The following PTPN5 variants were observed in gnomAD, a reference collection of about 807,000 sequenced individuals.
The protein encoded by PTPN5 is tyrosine-protein phosphatase non-receptor type 5.
PTPN5 carries 29 observed loss-of-function variants against 73.9 expected under a neutral mutation model. The ratio of observed to expected loss-of-function variants is 0.39; its 90% CI spans 0.29 to 0.54. PTPN5 has a LOEUF of 0.54. PTPN5 is among the 20% of genes least tolerant of loss of function. PTPN5 has a pLI of 0.65. For missense variants in PTPN5, 652 were observed against 751.4 expected (o/e 0.87, Z 1.55); for synonymous variants, 267 against 304.7 (o/e 0.88, Z 1.29).
In PTPN5 at chr11:18,771,053, G is replaced by A. The variant is rs115018707; in HGVS notation, c.20+886C>T. ...TGGCTGGTTTGCTGAGCCAATCAGG[G>A]AGCCTGAGCCTGCTTCCAAGGTCGG... On this transcript the variant is annotated intron_variant, in intron 2 of 14. Coordinates refer to ENST00000358540, the MANE Select transcript of PTPN5 (RefSeq NM_006906.2). 3.4e-3 allele frequency among the ~76,000 whole-genome samples: 516 copies of A among 152,276 alleles called. 2 individuals carry two copies. The highest frequency in any genetic ancestry group is 0.011 in the African/African-American group (477 of 41,548).
intron 3 of PTPN5, among the ~76,000 whole-genome samples, chr11:18,745,941 C>T (rs1849597959): frequency 1.3e-5 from 2 of 151,604 alleles, no homozygotes; most frequent in South Asian, 4.2e-4. Context: ...TTTTGAATAT[C>T]GTCTCCTCTA....
chr11:18,755,615 T>C (rs999167342), intron 3 of PTPN5, among the ~76,000 whole-genome samples: 9 of 151,972 alleles, frequency 5.9e-5, no homozygotes, highest in African/African-American at 2.2e-4. Context: ...CTGGGCTGGG[T>C]AGAGGACTGA....
At chr11:18,784,362 T>C (rs560795023) in intron 1 of PTPN5, among the ~76,000 whole-genome samples, 35 of 151,788 alleles carry the variant, frequency 2.3e-4, no homozygotes, top group African/African-American at 8.2e-4. Flanking sequence ...GAGACGACCC[T>C]TGAAAACATT....
chr11:18,768,854 T>C (rs188355452), intron 2 of PTPN5, among the ~76,000 whole-genome samples: 78 of 152,232 alleles, frequency 5.1e-4, no homozygotes, highest in Non-Finnish European at 9.9e-4. Flanking sequence ...GAACCCAGTC[T>C]CTGGGCGCTG....
At chr11:18,739,748 C>T (rs1849280911) in intron 8 of PTPN5, among the ~76,000 whole-genome samples, 1 of 152,228 alleles carries the variant, frequency 6.6e-6, no homozygotes. Context: ...CTTGCCTTTT[C>T]CTGCTCACAG....
rs535883338 is a variant in PTPN5 at position 18,790,928 on chromosome 11, G to C, written c.-114+597C>G. On this transcript the variant is annotated intron_variant, in intron 1 of 14. Coordinates refer to ENST00000358540, the MANE Select transcript of PTPN5 (RefSeq NM_006906.2). ...TGATCTTCTAAGCCCTGTGATCCTT[G>C]ATAAGGTAAGCCTCCCAAGGCTCTG... Among the ~76,000 whole-genome samples, 110 of 152,320 alleles carry C rather than the reference G, an allele frequency of 7.2e-4. No homozygotes were observed. The South Asian group carries it at 9.3e-3, about 13-fold the overall frequency.
Position 18,742,461 on chromosome 11 carries a change from G to A in PTPN5, c.526C>T (p.Leu176=). 1 of 1,614,078 alleles carries A rather than the reference G, an allele frequency of 6.2e-7. No individual in the cohort carries two copies. The highest frequency in any genetic ancestry group is 8.5e-7 in the Non-Finnish European group (1 of 1,180,016). ...LRTPPEPPTP[L]PPEDRRQSVS... The stretch of plus-strand genomic sequence containing the variant: ...GACTGGCGCCTGTCCTCAGGGGGCA[G>A]TGGGGTGGGTGGCTCTGGGGGTGTC... Residue 176 remains leucine, a synonymous_variant, in exon 7 of 15, where the codon CTG becomes TTG. Transcript: ENST00000358540. This position sits in a 1 kb window ranked among gnomAD's most constrained non-coding sequence, Gnocchi z 4.1.
At chr11:18,774,705 A>G (rs1185849391) in intron 1 of PTPN5, among the ~76,000 whole-genome samples, 1 of 152,236 alleles carries the variant, frequency 6.6e-6, no homozygotes, top group Non-Finnish European at 1.5e-5. Context: ...AAGCCAACAC[A>G]TTCTGTCCTA....
chr11:18,744,002 T>A lies in PTPN5; in HGVS notation c.291+4A>T, dbSNP rs748864491. 2.5e-6 allele frequency: 4 copies of A among 1,593,646 alleles called. No homozygotes were observed. The East Asian group carries it at 6.9e-5, about 27-fold the overall frequency. ...GACCCTTGTGAGGCCTGTGCCATCC[T>A]TACCAGGAACTGTGAGGCAGCGAAC... is the stretch of plus-strand genomic sequence containing the variant. On this transcript the variant is annotated splice_donor_region_variant and intron_variant, in intron 4 of 14. Coordinates refer to ENST00000358540, the MANE Select transcript of PTPN5 (RefSeq NM_006906.2).
intron 1 of PTPN5, among the ~76,000 whole-genome samples, chr11:18,781,802 G>A (rs972493307): frequency 1.3e-5 from 2 of 152,266 alleles, no homozygotes; most frequent in African/African-American, 2.4e-5. Flanking sequence ...GGCCTAGTGA[G>A]TTGAGTGAGA....
At chr11:18,779,394 T>A (rs1851317652) in intron 1 of PTPN5, among the ~76,000 whole-genome samples, 1 of 151,460 alleles carries the variant, frequency 6.6e-6, no homozygotes, top group Non-Finnish European at 1.5e-5. Flanking sequence ...TAGGAAAAAA[T>A]CCCAGGTGGG....
At chr11:18,760,964 G>A (rs1850358326) in intron 3 of PTPN5, among the ~76,000 whole-genome samples, 1 of 152,254 alleles carries the variant, frequency 6.6e-6, no homozygotes, top group Admixed American at 6.5e-5. Flanking sequence ...CCCTGTGAGG[G>A]TAGACACTGT....
chr11:18,736,647 A>G (rs1849126190), intron 9 of PTPN5, among the ~76,000 whole-genome samples: 1 of 152,170 alleles, frequency 6.6e-6, no homozygotes, highest in Non-Finnish European at 1.5e-5. Flanking sequence ...CTGAGGGCAC[A>G]GGCTCCATTC....
At position 18,729,643 on chromosome 11, in the gene PTPN5, G is replaced by T; in HGVS notation, c.1490+15C>A. 6.3e-7 allele frequency: 1 copy of T among 1,575,290 alleles called. No homozygotes were observed. The highest frequency in any genetic ancestry group is 8.6e-7 in the Non-Finnish European group (1 of 1,163,322). ...GGGGGCTGCCCCGCTCCAGTGGCTG[G>T]CTGGGAGGACCCACCTGCAGTGGAC... On this transcript the variant is annotated intron_variant, in intron 13 of 14. Transcript: ENST00000358540. This position sits in a 1 kb window ranked among gnomAD's most constrained non-coding sequence, Gnocchi z 5.2.
In PTPN5 at chr11:18,730,250, T is replaced by C. The variant is rs1022307629; in HGVS notation, c.1330-432A>G. The C allele has an allele frequency of 7.7e-5, 25 of 326,240 alleles. No homozygotes were observed. In the East Asian group the frequency reaches 1.0e-3, roughly 13 times the overall value. The allele number at this position is 326,240 out of a possible 1,614,324, so 20.2% of individuals were successfully genotyped here. On this transcript the variant is annotated intron_variant, in intron 12 of 14. Transcript: ENST00000358540. ...CTCGCCTCTATCTTAGTGCTGCAATTAGTGCTGCAAGTTTTACCACCTCTT... is the reference window on the plus strand; with the variant it reads ...CTCGCCTCTATCTTAGTGCTGCAATCAGTGCTGCAAGTTTTACCACCTCTT...
chr11:18,775,844 G>C (rs1354043865), intron 1 of PTPN5, among the ~76,000 whole-genome samples: 1 of 152,122 alleles, frequency 6.6e-6, no homozygotes, highest in African/African-American at 2.4e-5. Flanking sequence ...CGAGGCAGAG[G>C]GTGGAACGGC....
chr11:18,783,029 G>A (rs531380885), intron 1 of PTPN5, among the ~76,000 whole-genome samples: 1 of 152,330 alleles, frequency 6.6e-6, no homozygotes, highest in South Asian at 2.1e-4. Flanking sequence ...ACAGTGATGT[G>A]GCACAGAAGG....
rs1305561253 is a variant in PTPN5 at position 18,744,203 on chromosome 11, T to A, written c.98-4A>T. On this transcript the variant is annotated splice_polypyrimidine_tract_variant and splice_region_variant and intron_variant, in intron 3 of 14. Transcript: ENST00000358540. ...ATCACTATCGGCTGGGGGAGACCTG[T>A]GGAAGATGGGCCATGCGGGCCGATG... 16 of 1,530,972 alleles carry A rather than the reference T, an allele frequency of 1.0e-5. No homozygotes were observed. The highest frequency in any genetic ancestry group is 1.8e-4 in the Middle Eastern group (1 of 5,682). The allele number at this position is 1,530,972 out of a possible 1,614,324, so 94.8% of individuals were successfully genotyped here.
rs1355381800 is a variant in PTPN5 at position 18,729,092 on chromosome 11, A to G, written c.1605-65T>C. On this transcript the variant is annotated intron_variant, in intron 14 of 14. Coordinates refer to ENST00000358540, the MANE Select transcript of PTPN5 (RefSeq NM_006906.2). The surrounding 1 kb of genome is among the most constrained non-coding windows in gnomAD (Gnocchi z 5.2). ...GGGATGGGCTGTGGGAGGTGCCCCA[A>G]AAGCCATGGAGTAGCAATCACTTGC... is the stretch of plus-strand genomic sequence containing the variant. 1.8e-5 allele frequency: 28 copies of G among 1,543,560 alleles called. No homozygotes were observed. The highest frequency in any genetic ancestry group is 1.7e-4 in the Middle Eastern group (1 of 5,850).
Sources: gnomAD v4.1 joint callset for allele counts (sites outside exome capture counted in the v4.1 genomes callset) on GRCh38, gnomAD v4.1.1 for gene constraint, Gnocchi (gnomAD v3.1) non-coding constraint, MANE v1.5 for transcripts, NCBI Gene and HGNC (gene_info 2026-07-23, HGNC 2026-07-21) for gene names.